LPP: variants seen among roughly 807,000 people sequenced by gnomAD.
LPP encodes lipoma-preferred partner.
LPP carries 38 observed loss-of-function variants against 60.4 expected under a neutral mutation model. The ratio of observed to expected loss-of-function variants is 0.63; its 90% CI spans 0.49 to 0.83. The LOEUF (loss-of-function observed/expected upper bound fraction) is 0.83, where lower values mean the gene tolerates loss of function less well. LPP is among the 40% of genes least tolerant of loss of function. The pLI is 0.00. For missense variants in LPP, 902 were observed against 783.6 expected, an observed-to-expected ratio of 1.15 and a Z score of -1.80; for synonymous variants, 328 against 290.8, an observed-to-expected ratio of 1.13 and a Z score of -1.30.
chr3:188,455,663 C>T (rs1797575351), intron 4 of LPP, among the ~76,000 whole-genome samples: 1 of 152,008 alleles, frequency 6.6e-6, no homozygotes, highest in South Asian at 2.1e-4. Context: ...ATCAGAAGGG[C>T]AATGTTGGTG....
At chr3:188,250,776 T>TTCTTTCTTTCTTTCTGTCTTTC (rs1729030248) in intron 2 of LPP, among the ~76,000 whole-genome samples, 1 of 121,760 alleles carries the variant, frequency 8.2e-6, no homozygotes, top group Non-Finnish European at 1.7e-5. Context: ...CTTTCTTTCT[T>TTCTTTCTTTCTTTCTGTCTTTC]TCTTTCTTTC....
intron 8 of LPP, among the ~76,000 whole-genome samples, chr3:188,730,598 TCTCAAACTGGA>T (rs1340543067): frequency 6.6e-6 from 1 of 152,202 alleles, no homozygotes; most frequent in Non-Finnish European, 1.5e-5. Context: ...CCTTTGTCAT[TCTCAAACTGGA>T]TCGACATGAT....
chr3:188,748,117 T>A (rs1726875261), intron 8 of LPP, among the ~76,000 whole-genome samples: 1 of 152,214 alleles, frequency 6.6e-6, no homozygotes, highest in Non-Finnish European at 1.5e-5. Flanking sequence ...TGCTCCATCG[T>A]ACTGGTGATT....
chr3:188,249,458 A>G (rs2149539977), intron 2 of LPP, among the ~76,000 whole-genome samples: 1 of 152,168 alleles, frequency 6.6e-6, no homozygotes, highest in South Asian at 2.1e-4. Context: ...AAGGAAAGGA[A>G]GGAGGGAGAG....
At chr3:188,534,250 A>G (rs1463350852) in intron 6 of LPP, among the ~76,000 whole-genome samples, 1 of 152,162 alleles carries the variant, frequency 6.6e-6, no homozygotes, top group Non-Finnish European at 1.5e-5. Flanking sequence ...GTAGCCTTTA[A>G]CTGTGATTTG....
chr3:188,718,392 G>C (rs1714962463), intron 8 of LPP, among the ~76,000 whole-genome samples: 1 of 152,162 alleles, frequency 6.6e-6, no homozygotes, highest in Admixed American at 6.5e-5. Context: ...TGTGATCTCA[G>C]ACCGTAGATC....
Position 188,890,103 on chromosome 3 carries a change from T to C in LPP, c.*15624T>C. ...TCTTATGTAAAGGTTAAATGGTGTTTACAAGTGGATAGATAAGGCGGAGAT... is the reference window on the plus strand; with the variant it reads ...TCTTATGTAAAGGTTAAATGGTGTTCACAAGTGGATAGATAAGGCGGAGAT... On this transcript the variant is annotated 3_prime_UTR_variant, in exon 12 of 12. Coordinates refer to ENST00000617246, the MANE Select transcript of LPP (RefSeq NM_001375462.1). 1 of 214,900 alleles carries C rather than the reference T, an allele frequency of 4.7e-6. No individual in the cohort carries two copies. The highest frequency in any genetic ancestry group is 9.4e-6 in the Non-Finnish European group (1 of 106,370). 13.3% of individuals were successfully genotyped at this position (214,900 alleles called of 1,614,324 possible). A position where few individuals can be genotyped will look rare whatever the true frequency, so the allele number is the denominator to read the frequency against.
intron 2 of LPP, among the ~76,000 whole-genome samples, chr3:188,244,626 C>T (rs144597557): frequency 2.0e-5 from 3 of 152,210 alleles, no homozygotes; most frequent in South Asian, 2.1e-4. Flanking sequence ...CTCTATTAGA[C>T]GCTTTATTCA....
At chr3:188,433,160 A>G (rs904418098) in intron 4 of LPP, among the ~76,000 whole-genome samples, 1 of 152,288 alleles carries the variant, frequency 6.6e-6, no homozygotes, top group African/African-American at 2.4e-5. Context: ...TATTAAGAAT[A>G]AGGAGGTGGC....
chr3:188,492,193 A>G (rs531113008), intron 5 of LPP, among the ~76,000 whole-genome samples: 1 of 152,344 alleles, frequency 6.6e-6, no homozygotes, highest in South Asian at 2.1e-4. Context: ...CTGTATAGGG[A>G]GTAATATACT....
intron 2 of LPP, among the ~76,000 whole-genome samples, chr3:188,303,455 G>C (rs963910563): frequency 6.6e-6 from 1 of 152,290 alleles, no homozygotes; most frequent in Admixed American, 6.5e-5. Flanking sequence ...ATAAATGAAT[G>C]AATGACTCAG....
chr3:188,173,497 G>A (rs370510681), intron 1 of LPP, among the ~76,000 whole-genome samples: 34 of 143,966 alleles, frequency 2.4e-4, no homozygotes, highest in East Asian at 6.1e-4. Flanking sequence ...GAGTGACTCC[G>A]TCTCAAAAAA....
At chr3:188,778,299 T>C (rs1236325759) in intron 9 of LPP, among the ~76,000 whole-genome samples, 1 of 152,198 alleles carries the variant, frequency 6.6e-6, no homozygotes, top group Non-Finnish European at 1.5e-5. Context: ...ATTGCTTTAT[T>C]TTGGTCATAT....
At position 188,298,371 on chromosome 3, in the gene LPP, G is replaced by A. The variant is rs190967077; in HGVS notation, c.-66-43292G>A. Among the ~76,000 whole-genome samples the A allele has an allele frequency of 1.6e-3, 240 of 152,140 alleles. 2 individuals are homozygous for A. The highest frequency in any genetic ancestry group is 0.011 in the South Asian group (54 of 4,816). Reference sequence around the variant, plus strand: ...AGGCTACTGGCCACTGATCCTCCTGGGGGCACTAGCCTGGCTACCCCATTG... The same window carrying A: ...AGGCTACTGGCCACTGATCCTCCTGAGGGCACTAGCCTGGCTACCCCATTG... On this transcript the variant is annotated intron_variant, in intron 2 of 11. Transcript: ENST00000617246.
At chr3:188,388,040 T>G (rs1217016709) in intron 3 of LPP, among the ~76,000 whole-genome samples, 1 of 152,164 alleles carries the variant, frequency 6.6e-6, no homozygotes, top group East Asian at 1.9e-4. Flanking sequence ...ATTTGTAAAT[T>G]TAGATATGTT....
intron 3 of LPP, among the ~76,000 whole-genome samples, chr3:188,356,298 C>T (rs1292425661): frequency 4.6e-5 from 7 of 152,114 alleles, no homozygotes; most frequent in Non-Finnish European, 2.9e-5. Context: ...GATTTTTGGC[C>T]ATGCTACTCA....
At chr3:188,739,369 A>T (rs1723627871) in intron 8 of LPP, among the ~76,000 whole-genome samples, 1 of 152,066 alleles carries the variant, frequency 6.6e-6, no homozygotes. Context: ...TGGGCCTTGG[A>T]TAATAAGGTG....
intron 6 of LPP, among the ~76,000 whole-genome samples, chr3:188,604,850 G>T (rs1444441985): frequency 6.6e-6 from 1 of 152,132 alleles, no homozygotes; most frequent in African/African-American, 2.4e-5. Flanking sequence ...GGAGGGAGAA[G>T]TAAAGAGCAC....
At chr3:188,168,057 T>C (rs1251258682) in intron 1 of LPP, among the ~76,000 whole-genome samples, 1 of 152,238 alleles carries the variant, frequency 6.6e-6, no homozygotes, top group Non-Finnish European at 1.5e-5. Context: ...AGACGCTTGA[T>C]ATAAAAGGGC....
Sources: allele counts gnomAD v4.1 joint callset (sites outside exome capture counted in the v4.1 genomes callset), GRCh38; gene constraint gnomAD v4.1.1; transcripts MANE v1.5; gene names NCBI Gene and HGNC (gene_info 2026-07-23, HGNC 2026-07-21).